SEMA3E: variants seen among roughly 807,000 people sequenced by gnomAD.
SEMA3E encodes the protein semaphorin-3E.
SEMA3E carries 49 observed loss-of-function variants against 93.6 expected under a neutral mutation model. That is an observed-to-expected ratio of 0.52 (90% CI 0.42 to 0.66). The LOEUF (loss-of-function observed/expected upper bound fraction) is 0.66, where lower values mean the gene tolerates loss of function less well. Ranked by LOEUF, SEMA3E falls within the 30% of genes least tolerant of loss-of-function variation. The pLI, the probability that SEMA3E is intolerant of heterozygous loss-of-function variation, is 0.00. For synonymous variants in SEMA3E, 363 were observed against 330.7 expected (o/e 1.10, Z -1.06); for missense variants, 906 against 964.8 (o/e 0.94, Z 0.81).
intron 4 of SEMA3E, among the ~76,000 whole-genome samples, chr7:83,463,536 G>A (rs1458953877): frequency 1.3e-5 from 2 of 152,054 alleles, no homozygotes; most frequent in African/African-American, 4.8e-5. Flanking sequence ...CATTATTCCT[G>A]ATACCACACC....
chr7:83,593,250 C>CTG, intron 1 of SEMA3E, among the ~76,000 whole-genome samples: 2 of 117,138 alleles, frequency 1.7e-5, no homozygotes, highest in African/African-American at 7.8e-5. Context: ...CGCTCTTTCT[C>CTG]TCTCTCTCTG....
chr7:83,392,659 C>T lies in SEMA3E; in HGVS notation c.1563G>A (p.Met521Ile), dbSNP rs138211552. ...AGCAGTCAGCACAAGCACTTCCATA[C>T]ATGTCACAGTGATGGAATCTGACTT... ...VAQVRFHHCD[M>I]YGSACADCCL... The change falls in exon 14 of 17, where the codon ATG (methionine) becomes ATA (isoleucine). Residue 521 changes from methionine (M) to isoleucine (I), a missense_variant. Coordinates refer to ENST00000643230, the MANE Select transcript of SEMA3E (RefSeq NM_012431.3). 7.4e-6 allele frequency: 12 copies of T among 1,613,786 alleles called. No homozygotes were observed. In the African/African-American group the frequency reaches 1.6e-4, roughly 22 times the overall value.
At position 83,363,496 on chromosome 7, in the gene SEMA3E, A is replaced by G. The variant is rs1695242035; in HGVS notation, c.*4090T>C. 1 of 152,198 alleles carries G rather than the reference A, an allele frequency of 6.6e-6. No homozygotes were observed. The highest frequency in any genetic ancestry group is 1.5e-5 in the Non-Finnish European group (1 of 68,050). 9.4% of individuals were successfully genotyped at this position (152,198 alleles called of 1,614,324 possible). ...CATACAGAGAAGAACACTCCCATAT[A>G]GTGCTCTAGCTTATAAGTAAGCCAT... On this transcript the variant is annotated 3_prime_UTR_variant, in exon 17 of 17. Transcript: ENST00000643230.
intron 1 of SEMA3E, among the ~76,000 whole-genome samples, chr7:83,607,247 A>C (rs1584360913): frequency 6.6e-6 from 1 of 152,234 alleles, no homozygotes; most frequent in African/African-American, 2.4e-5. Flanking sequence ...TAATGTGTTT[A>C]AATTATTCTT....
intron 1 of SEMA3E, among the ~76,000 whole-genome samples, chr7:83,534,795 T>G (rs1002521737): frequency 3.9e-5 from 6 of 152,212 alleles, no homozygotes; most frequent in Admixed American, 1.3e-4. Flanking sequence ...AAGCTCTTTA[T>G]TATTTGTCTT....
At chr7:83,472,928 C>T (rs575416117) in intron 2 of SEMA3E, among the ~76,000 whole-genome samples, 1 of 152,144 alleles carries the variant, frequency 6.6e-6, no homozygotes, top group African/African-American at 2.4e-5. Flanking sequence ...TTCCTGCTAC[C>T]TTGTGAAAAA....
chr7:83,605,881 C>T (rs747394315), intron 1 of SEMA3E, among the ~76,000 whole-genome samples: 4 of 152,136 alleles, frequency 2.6e-5, no homozygotes, highest in Non-Finnish European at 5.9e-5. Flanking sequence ...AAACATTTTT[C>T]TCCCGTTCTG....
intron 1 of SEMA3E, among the ~76,000 whole-genome samples, chr7:83,633,025 C>G (rs1188327076): frequency 6.6e-6 from 1 of 152,038 alleles, no homozygotes; most frequent in Non-Finnish European, 1.5e-5. Flanking sequence ...TTTTCCTAAA[C>G]TATAGTCTTT....
intron 1 of SEMA3E, among the ~76,000 whole-genome samples, chr7:83,546,756 A>T (rs1791659306): frequency 6.6e-6 from 1 of 152,092 alleles, no homozygotes; most frequent in Admixed American, 6.6e-5. Flanking sequence ...AAATAAATTA[A>T]TGATGAGTAA....
In SEMA3E at chr7:83,469,298, T is replaced by A; in HGVS notation, c.281A>T (p.His94Leu). ...ERISDGYKEIHWPSTALKMEE... is the reference protein window; with the variant it reads ...ERISDGYKEILWPSTALKMEE... ...CATTTTTAGAGCTGTACTCGGCCAG[T>A]GTATCTAAAATAAAAGATAATGTAC... Residue 94 changes from histidine to leucine, a missense_variant, in exon 3 of 17, where the codon CAC (histidine) becomes CTC (leucine). By Grantham distance (99) the His-to-Leu change is moderately conservative (BLOSUM62 -3). Coordinates refer to ENST00000643230, the MANE Select transcript of SEMA3E (RefSeq NM_012431.3). 6.2e-7 allele frequency: 1 copy of A among 1,607,610 alleles called. No homozygotes were observed. The highest frequency in any genetic ancestry group is 1.7e-5 in the Admixed American group (1 of 59,996).
intron 1 of SEMA3E, among the ~76,000 whole-genome samples, chr7:83,551,716 T>C (rs1288604094): frequency 1.3e-5 from 2 of 152,180 alleles, no homozygotes; most frequent in African/African-American, 4.8e-5. Flanking sequence ...TTATAAAATA[T>C]GATCAATAAT....
chr7:83,646,132 A>G (rs897282871), intron 1 of SEMA3E, among the ~76,000 whole-genome samples: 8 of 152,092 alleles, frequency 5.3e-5, no homozygotes, highest in Non-Finnish European at 1.2e-4. Context: ...GCTATATGAC[A>G]TATACCTAGT....
rs1287289715 is a variant in SEMA3E, at chr7:83,439,290, C to T, written c.457-20807G>A. ...GCTGGTAAAAGAAAACATAAATCCA[C>T]CATCTGCACAGTAAGAACTGGACAG... On this transcript the variant is annotated intron_variant, in intron 4 of 16. Coordinates refer to ENST00000643230, the MANE Select transcript of SEMA3E (RefSeq NM_012431.3). Among the ~76,000 whole-genome samples the T allele has an allele frequency of 3.3e-5, 5 of 152,284 alleles. No individual in the cohort carries two copies. The East Asian group carries it at 9.7e-4, about 29-fold the overall frequency.
chr7:83,528,815 A>G (rs1158820770), intron 1 of SEMA3E, among the ~76,000 whole-genome samples: 1 of 152,150 alleles, frequency 6.6e-6, no homozygotes, highest in African/African-American at 2.4e-5. Context: ...AACAAAAAGG[A>G]TGCAATAACA....
chr7:83,637,393 A>G (rs111527831), intron 1 of SEMA3E, among the ~76,000 whole-genome samples: 2,746 of 152,218 alleles, frequency 0.018, 87 homozygotes, highest in African/African-American at 0.061. Flanking sequence ...ATACTTATAA[A>G]TGATTTAATA....
intron 6 of SEMA3E, 91 bp from the exon 7 acceptor site, chr7:83,407,330 C>T (rs1255296240): frequency 1.8e-6 from 2 of 1,110,534 alleles, no homozygotes; most frequent in Admixed American, 4.2e-5. Context: ...TCATCTGAAT[C>T]CTTAAGTTTA....
At chr7:83,419,853 C>A (rs1788638628) in intron 4 of SEMA3E, among the ~76,000 whole-genome samples, 1 of 152,068 alleles carries the variant, frequency 6.6e-6, no homozygotes, top group African/African-American at 2.4e-5. Context: ...GACAAACTCA[C>A]AAACATCATA....
At chr7:83,615,788 G>A (rs948977003) in intron 1 of SEMA3E, among the ~76,000 whole-genome samples, 2 of 152,060 alleles carry the variant, frequency 1.3e-5, no homozygotes, top group Non-Finnish European at 2.9e-5. Context: ...TGGAAGAAGC[G>A]TGGGGGAGTT....
intron 1 of SEMA3E, among the ~76,000 whole-genome samples, chr7:83,644,197 CAAA>C (rs11309191): frequency 6.7e-6 from 1 of 148,338 alleles, no homozygotes. Context: ...TACACTACAG[CAAA>C]AAAAAAAAAT....
Sources: gnomAD v4.1 joint callset for allele counts (sites outside exome capture counted in the v4.1 genomes callset) on GRCh38, gnomAD v4.1.1 for gene constraint, MANE v1.5 for transcripts, NCBI Gene and HGNC (gene_info 2026-07-23, HGNC 2026-07-21) for gene names.